CCDC171: variants seen among roughly 807,000 people sequenced by gnomAD.
The protein encoded by CCDC171 is coiled-coil domain containing 171.
A neutral mutation model predicts 168.2 loss-of-function variants in CCDC171; 177 were observed. The ratio of observed to expected loss-of-function variants is 1.05; its 90% confidence interval spans 0.93 to 1.19. The LOEUF (loss-of-function observed/expected upper bound fraction) is 1.19. Ranked by LOEUF, CCDC171 falls within the 50% of genes most tolerant of loss-of-function variation. The pLI, the probability that CCDC171 is intolerant of heterozygous loss-of-function variation, is 0.00. For missense variants in CCDC171, 1,991 were observed against 1,539.0 expected (o/e 1.29, Z -4.91); for synonymous variants, 687 against 540.8 (o/e 1.27, Z -3.75).
intron 16 of CCDC171, 121 bp downstream of exon 16, chr9:15,729,919 G>T: frequency 1.5e-6 from 1 of 665,978 alleles, no homozygotes; most frequent in Non-Finnish European, 2.5e-6. Flanking sequence ...CGTAGAACTT[G>T]TTTAGATACA....
At chr9:15,949,703 G>C (rs910851621) in intron 25 of CCDC171, among the ~76,000 whole-genome samples, 3 of 152,090 alleles carry the variant, frequency 2.0e-5, no homozygotes, top group African/African-American at 7.2e-5. Context: ...AGGAGATTTT[G>C]GGCTGAGACG....
At chr9:15,876,624 A>G (rs571844544) in intron 24 of CCDC171, among the ~76,000 whole-genome samples, 85 of 152,272 alleles carry the variant, frequency 5.6e-4, no homozygotes, top group African/African-American at 1.9e-3. Flanking sequence ...TTAGATATCT[A>G]TAATGGAATT....
the CCDC171 span, among the ~76,000 whole-genome samples, chr9:16,088,152 G>T: frequency 2.0e-5 from 3 of 152,234 alleles, no homozygotes; most frequent in Admixed American, 6.5e-5. Flanking sequence ...TGCAGAAAAG[G>T]CCTTTGATAA....
At chr9:15,812,087 AAAG>A (rs1294981178) in intron 21 of CCDC171, among the ~76,000 whole-genome samples, 1 of 152,216 alleles carries the variant, frequency 6.6e-6, no homozygotes, top group African/African-American at 2.4e-5. Flanking sequence ...GGTATTAAAA[AAAG>A]AGAAGTGAGC....
chr9:15,999,364 CAGGG>C (rs962665128), intron 3 of CCDC171, among the ~76,000 whole-genome samples: 4 of 127,816 alleles, frequency 3.1e-5, no homozygotes, highest in Middle Eastern at 5.3e-3. Flanking sequence ...GGTGAGCAAG[CAGGG>C]AGGGAGGGAG....
intron 6 of CCDC171, among the ~76,000 whole-genome samples, chr9:16,023,305 G>A (rs1383834964): frequency 1.3e-5 from 2 of 152,036 alleles, no homozygotes; most frequent in Non-Finnish European, 2.9e-5. Flanking sequence ...ATCTGACTTT[G>A]ACTATGAGCC....
Position 15,808,355 on chromosome 9 carries a change from A to C in CCDC171, c.3267+23661A>C, listed in dbSNP as rs534294973. Among the ~76,000 whole-genome samples the C allele has an allele frequency of 3.3e-5, 5 of 152,360 alleles. No individual in the cohort carries two copies. In the South Asian group the frequency reaches 1.0e-3, roughly 32 times the overall value. On this transcript the variant is annotated intron_variant, in intron 21 of 25. Transcript: ENST00000380701. ...TGAATGCTTAGATGTATGCCTTCAAACATGAGTTTGCATTGTTTTTCAAGG... is the reference window on the plus strand; with the variant it reads ...TGAATGCTTAGATGTATGCCTTCAACCATGAGTTTGCATTGTTTTTCAAGG...
At position 15,794,740 on chromosome 9, in the gene CCDC171, A is replaced by G. The variant is rs146689159; in HGVS notation, c.3267+10046A>G. ...GTACACAAAGCCTAAAATATTTCCT[A>G]TCAGAAGTTTGCTGACCCTTGGGTT... On this transcript the variant is annotated intron_variant, in intron 21 of 25. Transcript: ENST00000380701. Among the ~76,000 whole-genome samples, 88 of 152,344 alleles carry G rather than the reference A, an allele frequency of 5.8e-4. No individual in the cohort carries two copies. The Middle Eastern group carries it at 0.01, about 18-fold the overall frequency.
At chr9:15,754,156 G>A (rs959955825) in intron 18 of CCDC171, among the ~76,000 whole-genome samples, 7 of 152,150 alleles carry the variant, frequency 4.6e-5, no homozygotes, top group Admixed American at 3.3e-4. Flanking sequence ...AACCATAAGA[G>A]CTTATATAGT....
the CCDC171 span, among the ~76,000 whole-genome samples, chr9:16,086,679 G>T: frequency 1.1e-4 from 16 of 152,042 alleles, no homozygotes; most frequent in Non-Finnish European, 1.6e-4. Flanking sequence ...TAGATTCATT[G>T]AGTTTTTGAA....
At position 15,568,425 on chromosome 9, in the gene CCDC171, C is replaced by G. The variant is rs373261799; in HGVS notation, c.42-3199C>G. 2.5e-3 allele frequency among the ~76,000 whole-genome samples: 353 copies of G among 139,000 alleles called. 2 individuals carry two copies. Among genetic ancestry groups the G allele is most frequent in the African/African-American group, 8.4e-3 (340 of 40,576 alleles). The allele number at this position is 139,000 out of a possible 152,430, so 91.2% of individuals were successfully genotyped here. ...AGCTGGGACTACAGGTGCCCGCCAC[C>G]ACGCCTGGAGAATTTTTTGTATTTT... is the stretch of plus-strand genomic sequence containing the variant. On this transcript the variant is annotated intron_variant, in intron 2 of 25. Coordinates refer to ENST00000380701, the MANE Select transcript of CCDC171 (RefSeq NM_173550.4).
At chr9:15,646,247 G>A (rs2047026203) in intron 7 of CCDC171, among the ~76,000 whole-genome samples, 1 of 152,096 alleles carries the variant, frequency 6.6e-6, no homozygotes, top group Non-Finnish European at 1.5e-5. Flanking sequence ...CCTGAAGGAA[G>A]CAATAAACAT....
At chr9:16,081,257 C>G in the CCDC171 span, among the ~76,000 whole-genome samples, 108 of 152,280 alleles carry the variant, frequency 7.1e-4, no homozygotes, top group African/African-American at 2.6e-3. Context: ...AACCCTTATA[C>G]CCAATGCAGC....
Position 15,564,148 on chromosome 9 carries a change from CT to C in CCDC171, c.41+23del, listed in dbSNP as rs2039536483. Reference sequence around the variant, plus strand: ...CCCAAAGGTAAGCCTCTAGTCTCTTCTTTTAGTTGATGAACGTTTTTAGTTG... The same window carrying C: ...CCCAAAGGTAAGCCTCTAGTCTCTTCTTTAGTTGATGAACGTTTTTAGTTG... On this transcript the variant is annotated intron_variant, in intron 2 of 25. Coordinates refer to ENST00000380701, the MANE Select transcript of CCDC171 (RefSeq NM_173550.4). 6 of 1,586,424 alleles carry C rather than the reference CT, an allele frequency of 3.8e-6. No homozygotes were observed. The highest frequency in any genetic ancestry group is 1.7e-4 in the Middle Eastern group (1 of 6,002).
intron 7 of CCDC171, among the ~76,000 whole-genome samples, chr9:15,624,671 C>T (rs946571942): frequency 1.2e-4 from 18 of 152,112 alleles, no homozygotes; most frequent in African/African-American, 4.1e-4. Flanking sequence ...CATAGTATTC[C>T]ATGGTGTATA....
intron 21 of CCDC171, among the ~76,000 whole-genome samples, chr9:15,793,774 C>A (rs1268309763): frequency 6.6e-6 from 1 of 151,780 alleles, no homozygotes; most frequent in African/African-American, 2.4e-5. Flanking sequence ...GTCTCGATCT[C>A]CTCACCTCGT....
At chr9:15,858,813 G>C (rs764885112) in intron 23 of CCDC171, among the ~76,000 whole-genome samples, 1 of 151,972 alleles carries the variant, frequency 6.6e-6, no homozygotes, top group African/African-American at 2.4e-5. Flanking sequence ...CTATGTAGAA[G>C]ATCACGTCAT....
upstream of CCDC171, chr9:15,552,951 C>G (rs2038455488): frequency 6.6e-6 from 1 of 152,236 alleles, no homozygotes; most frequent in Admixed American, 6.5e-5. Flanking sequence ...TCCGAGCCAG[C>G]GTTCTCGGAG....
intron 11 of CCDC171, among the ~76,000 whole-genome samples, chr9:15,706,186 G>A (rs2052208399): frequency 1.3e-5 from 2 of 152,082 alleles, no homozygotes; most frequent in Admixed American, 6.5e-5. Context: ...TGTGTGTGGG[G>A]AAATCTTTTT....
Sources: gnomAD v4.1 joint callset for allele counts (sites outside exome capture counted in the v4.1 genomes callset) on GRCh38, gnomAD v4.1.1 for gene constraint, MANE v1.5 for transcripts, NCBI Gene and HGNC (gene_info 2026-07-23, HGNC 2026-07-21) for gene names.